The following STAG3 variants were observed in gnomAD, a reference collection of about 807,000 sequenced individuals.
The protein encoded by STAG3 is STAG3 cohesin complex component, also known as cohesin subunit SA-3.
In STAG3, 101 loss-of-function variants were observed where a neutral mutation model predicts 160.7. That is an observed-to-expected ratio of 0.63 (90% confidence interval 0.54 to 0.74). STAG3 has a LOEUF of 0.74. STAG3 is among the 30% of genes least tolerant of loss of function. The pLI is 0.00. For synonymous variants in STAG3, 519 were observed against 585.0 expected, an observed-to-expected ratio of 0.89 and a Z score of 1.63; for missense variants, 1,188 against 1,517.4, an observed-to-expected ratio of 0.78 and a Z score of 3.61.
chr7:100,189,297 C>A, intron 7 of STAG3, 148 bp from the exon 8 acceptor site: 1 of 930,382 alleles, frequency 1.1e-6, no homozygotes, highest in Non-Finnish European at 1.6e-6. Flanking sequence ...ACAGTCCACT[C>A]CAGGACAGGC....
In STAG3 at chr7:100,202,239, T is replaced by G. The variant is rs373061200; in HGVS notation, c.2462T>G (p.Phe821Cys). 1 of 1,614,078 alleles carries G rather than the reference T, an allele frequency of 6.2e-7. No homozygotes were observed. Among genetic ancestry groups the G allele is most frequent in the Non-Finnish European group, 8.5e-7 (1 of 1,180,032 alleles). ...CAGATGATTGTTGGGGGCCGTGATT[T>G]CCTTAGGCCACTTGTCTTTTTTCCT... ...SPQMIVGGRD[F>C]LRPLVFFPEA... The change falls in exon 24 of 34, where the codon TTC becomes TGC. Residue 821 changes from phenylalanine (F) to cysteine (C), a missense_variant. This residue lies in a region of STAG3 where 647 missense variants were observed against 717.2 expected (regional missense o/e 0.90). Transcript: ENST00000615138.
chr7:100,195,515 T>A, intron 9 of STAG3, 133 bp downstream of exon 9: 1 of 752,696 alleles, frequency 1.3e-6, no homozygotes. Context: ...GGAGCAAAAA[T>A]TCTTGACAAC....
At chr7:100,211,306 C>T (rs1434592468) in intron 30 of STAG3, 121 bp downstream of exon 30, 7 of 1,474,642 alleles carry the variant, frequency 4.7e-6, no homozygotes, top group Non-Finnish European at 6.5e-6. Context: ...GGGTTCTTCT[C>T]AAACCCTTCT....
chr7:100,180,918 C>T (rs555894506), intron 2 of STAG3: 382 of 308,464 alleles, frequency 1.2e-3, no homozygotes, highest in Non-Finnish European at 2.0e-3. Flanking sequence ...CTCGCCCTGT[C>T]GCCCAGGCTG....
downstream of STAG3, chr7:100,214,895 C>T (rs1167829895): frequency 2.0e-5 from 3 of 152,062 alleles, no homozygotes; most frequent in African/African-American, 4.8e-5. Flanking sequence ...TAGTTCTTCA[C>T]CAAATTCTGT....
intron 29 of STAG3, among the ~76,000 whole-genome samples, chr7:100,208,634 A>C (rs1489283954): frequency 6.6e-6 from 1 of 152,222 alleles, no homozygotes; most frequent in Non-Finnish European, 1.5e-5. Context: ...AGGTACATAG[A>C]TCGCTCTGCC....
chr7:100,203,389 G>A (rs1455844944), intron 25 of STAG3, among the ~76,000 whole-genome samples: 1 of 151,870 alleles, frequency 6.6e-6, no homozygotes, highest in Non-Finnish European at 1.5e-5. Context: ...TTTCACCATC[G>A]CCAGGATGGT....
chr7:100,206,724 CCTCCCAAAGTG>C (rs1291684585), intron 29 of STAG3, among the ~76,000 whole-genome samples: 15 of 152,234 alleles, frequency 9.9e-5, no homozygotes, highest in Middle Eastern at 3.4e-3. Flanking sequence ...CCCACCTCAG[CCTCCCAAAGTG>C]CTCCCAAAGT....
intron 31 of STAG3, 45 bp downstream of exon 31, chr7:100,211,584 C>T: frequency 1.3e-6 from 2 of 1,598,610 alleles, no homozygotes; most frequent in Non-Finnish European, 1.7e-6. Context: ...AGATCTGTCG[C>T]CCACTGTGAG....
intron 1 of STAG3, 92 bp from the exon 2 acceptor site, chr7:100,180,401 C>G: frequency 4.7e-6 from 3 of 634,234 alleles, no homozygotes; most frequent in Non-Finnish European, 2.8e-6. Context: ...CCCCAGAGTT[C>G]TAGAACCATT....
At chr7:100,206,626 CA>C (rs1263638997) in intron 29 of STAG3, among the ~76,000 whole-genome samples, 1 of 152,018 alleles carries the variant, frequency 6.6e-6, no homozygotes, top group African/African-American at 2.4e-5. Flanking sequence ...CGTCCACCAC[CA>C]CCCCCAGCCA....
At chr7:100,180,827 T>A (rs1195733305) in intron 2 of STAG3, 155 bp downstream of exon 2, 1 of 579,702 alleles carries the variant, frequency 1.7e-6, no homozygotes, top group Non-Finnish European at 3.1e-6. Context: ...CAGCTCCAGG[T>A]GTTTTTTTTG....
chr7:100,214,215 T>C lies in STAG3; in HGVS notation c.*200T>C, dbSNP rs1787630438. The C allele has an allele frequency of 4.6e-6, 3 of 645,226 alleles. No individual in the cohort carries two copies. The highest frequency in any genetic ancestry group is 8.0e-6 in the Non-Finnish European group (3 of 376,514). The allele number at this position is 645,226 out of a possible 1,614,324, so 40.0% of individuals were successfully genotyped here. A position where few individuals can be genotyped will look rare whatever the true frequency, so the allele number is the denominator to read the frequency against. ...AGCCGAGAGACCCTGTCCTCCCTAA[T>C]GCACTGTGGCCCAGTCCCCTTGCCT... On this transcript the variant is annotated 3_prime_UTR_variant, in exon 34 of 34. Transcript: ENST00000615138.
intron 3 of STAG3, 115 bp downstream of exon 3, chr7:100,182,307 CG>C: frequency 1.4e-6 from 1 of 708,388 alleles, no homozygotes; most frequent in South Asian, 1.6e-5. Context: ...TGCAGTGAGC[CG>C]AGATTGCGCC....
Position 100,211,179 on chromosome 7 carries a change from C to T in STAG3, c.3407C>T (p.Ala1136Val). 6.4e-7 allele frequency: 1 copy of T among 1,557,224 alleles called. No homozygotes were observed. Among genetic ancestry groups the T allele is most frequent in the East Asian group, 2.3e-5 (1 of 43,016 alleles). The change falls in exon 30 of 34, where the codon GCC becomes GTC. Residue 1136 changes from alanine (A) to valine (V), a missense_variant. Physicochemically the swap from Ala to Val is moderately conservative, Grantham distance 64 (BLOSUM62 0). Coordinates refer to ENST00000615138, the MANE Select transcript of STAG3 (RefSeq NM_001282717.2). ...EEEDGSELDF[A>V]QGSQPVAGTE... ...GAAGATGGCTCAGAGTTGGATTTTG[C>T]CCAGGGGTGAGGCCATGGAGGGAAT...
intron 1 of STAG3, among the ~76,000 whole-genome samples, chr7:100,179,933 C>G (rs959796364): frequency 1.3e-5 from 2 of 152,184 alleles, no homozygotes; most frequent in Non-Finnish European, 2.9e-5. Flanking sequence ...TGGGGTTTCT[C>G]CATGTTGGTC....
At chr7:100,201,659 T>A (rs1325378074) in intron 21 of STAG3, 127 bp from the exon 22 acceptor site, 6 of 828,220 alleles carry the variant, frequency 7.2e-6, no homozygotes, top group Non-Finnish European at 1.2e-5. Flanking sequence ...TATCACTCAT[T>A]TTCCACTGGA....
chr7:100,196,005 T>G (rs1187953379), intron 9 of STAG3, among the ~76,000 whole-genome samples: 1 of 152,060 alleles, frequency 6.6e-6, no homozygotes, highest in East Asian at 1.9e-4. Flanking sequence ...GGCGCATCCC[T>G]GTAATCCCAG....
In STAG3 at chr7:100,203,998, C is replaced by T. The variant is rs1444933324; in HGVS notation, c.2701-23C>T. On this transcript the variant is annotated intron_variant, in intron 25 of 33. Transcript: ENST00000615138. Reference sequence around the variant, plus strand: ...GGTCTTTTCCACCAGTCAGACATTACCTTCCCCACTCTTTCCCCTCAGTTC... The same window carrying T: ...GGTCTTTTCCACCAGTCAGACATTATCTTCCCCACTCTTTCCCCTCAGTTC... 3 of 1,536,510 alleles carry T rather than the reference C, an allele frequency of 2.0e-6. No homozygotes were observed. In the African/African-American group the frequency reaches 4.1e-5, roughly 21 times the overall value.
Sources: allele counts gnomAD v4.1 joint callset (sites outside exome capture counted in the v4.1 genomes callset), GRCh38; gene constraint gnomAD v4.1.1; regional missense constraint gnomAD v4.1.1; transcripts MANE v1.5; gene names NCBI Gene and HGNC (gene_info 2026-07-23, HGNC 2026-07-21).